EVC2: variants seen among roughly 807,000 people sequenced by gnomAD.
EVC2 encodes limbin.
Under a neutral mutation model 149.3 loss-of-function variants are expected in EVC2, and 148 were observed. The observed-to-expected ratio is 0.99, with a 90% CI of 0.87 to 1.14. The LOEUF (loss-of-function observed/expected upper bound fraction) is 1.14, where lower values mean the gene tolerates loss of function less well. Among genes scored for constraint, EVC2 ranks in the 50% most tolerant of loss-of-function variants. The pLI is 0.00. For missense variants in EVC2, 1,854 were observed against 1,627.3 expected (o/e 1.14, Z -2.40); for synonymous variants, 776 against 649.9 (o/e 1.19, Z -2.95).
At chr4:5,546,808 G>A (rs1011353490) in intron 21 of EVC2, among the ~76,000 whole-genome samples, 1 of 152,106 alleles carries the variant, frequency 6.6e-6, no homozygotes, top group Non-Finnish European at 1.5e-5. Flanking sequence ...AGCCTGTCTA[G>A]AGTGGCTGCT....
chr4:5,690,062 G>A (rs1721005442), intron 4 of EVC2, among the ~76,000 whole-genome samples: 1 of 152,226 alleles, frequency 6.6e-6, no homozygotes, highest in South Asian at 2.1e-4. Flanking sequence ...CTTCAGAACT[G>A]TGTGTGTAAT....
rs1398135018 is a variant in EVC2 at position 5,663,303 on chromosome 4, C to T, written c.1006-57G>A. The stretch of plus-strand genomic sequence containing the variant: ...TGGGCCTTCTTGTGAATTCCACGTG[C>T]TGAGAAAGCCAGGAGGGAAGGCCAG... On this transcript the variant is annotated intron_variant, in intron 8 of 21. Coordinates refer to ENST00000344408, the MANE Select transcript of EVC2 (RefSeq NM_147127.5). 3.1e-6 allele frequency: 5 copies of T among 1,610,446 alleles called. No homozygotes were observed. The Admixed American group carries it at 8.3e-5, about 27-fold the overall frequency.
intron 9 of EVC2, among the ~76,000 whole-genome samples, chr4:5,651,948 C>A (rs1391509467): frequency 6.6e-6 from 1 of 152,216 alleles, no homozygotes; most frequent in South Asian, 2.1e-4. Context: ...TATAATCAGG[C>A]GATCACAAAA....
chr4:5,671,656 C>T (rs1357716920), intron 7 of EVC2, among the ~76,000 whole-genome samples: 2 of 152,114 alleles, frequency 1.3e-5, no homozygotes, highest in Non-Finnish European at 2.9e-5. Context: ...GGATTACAGG[C>T]GCCTGCCACC....
At chr4:5,676,516 C>T (rs750514105) in intron 7 of EVC2, among the ~76,000 whole-genome samples, 3 of 152,192 alleles carry the variant, frequency 2.0e-5, no homozygotes, top group Non-Finnish European at 2.9e-5. Flanking sequence ...AGGTCCCCGC[C>T]GCCATCAGCC....
At position 5,618,550 on chromosome 4, in the gene EVC2, C is replaced by T; in HGVS notation, c.2634G>A (p.Gln878=). ...LPKIRARVLL[Q]QFQTAWREAE... ...CTTCTCGCCACGCAGTCTGAAATTG[C>T]TGCAGCAGAACTCGGGCCCGGATCT... The change falls in exon 15 of 22, where the codon CAG becomes CAA. Residue 878 remains glutamine (Q), a synonymous_variant. Transcript: ENST00000344408. The surrounding 1 kb of genome is among the most constrained non-coding windows in gnomAD (Gnocchi z 4.4). 6.2e-7 allele frequency: 1 copy of T among 1,614,176 alleles called. No homozygotes were observed. The highest frequency in any genetic ancestry group is 8.5e-7 in the Non-Finnish European group (1 of 1,180,030).
intron 15 of EVC2, among the ~76,000 whole-genome samples, chr4:5,617,049 G>C (rs1715309557): frequency 2.0e-5 from 3 of 151,792 alleles, no homozygotes; most frequent in Non-Finnish European, 4.4e-5. Context: ...CTCTTATTCT[G>C]TATCTCCCAC....
chr4:5,648,342 T>C (rs1359294909), intron 9 of EVC2, among the ~76,000 whole-genome samples: 1 of 152,204 alleles, frequency 6.6e-6, no homozygotes, highest in East Asian at 1.9e-4. Flanking sequence ...TACAGCTGAA[T>C]AGGAAACTAA....
intron 9 of EVC2, among the ~76,000 whole-genome samples, chr4:5,652,154 T>A (rs1718191451): frequency 6.6e-6 from 1 of 152,014 alleles, no homozygotes; most frequent in Admixed American, 6.5e-5. Flanking sequence ...GGACGTGAAG[T>A]TGGTGGCAGA....
chr4:5,650,544 C>T (rs1200042418), intron 9 of EVC2, among the ~76,000 whole-genome samples: 2 of 144,648 alleles, frequency 1.4e-5, no homozygotes, highest in African/African-American at 2.5e-5. Flanking sequence ...CTACATCAAA[C>T]GAAAGTCACT....
intron 10 of EVC2, among the ~76,000 whole-genome samples, chr4:5,635,704 C>T (rs567719969): frequency 5.3e-5 from 8 of 152,300 alleles, no homozygotes; most frequent in South Asian, 2.1e-4. Flanking sequence ...CCATCAGAAA[C>T]GGTGAAAATG....
chr4:5,687,742 G>T (rs1441863549), intron 5 of EVC2, among the ~76,000 whole-genome samples: 1 of 152,118 alleles, frequency 6.6e-6, no homozygotes, highest in African/African-American at 2.4e-5. Context: ...TAGGAAGCTG[G>T]GTCTCGCAGG....
At position 5,677,127 on chromosome 4, in the gene EVC2, C is replaced by A. The variant is rs1276455487; in HGVS notation, c.870+4133G>T. Among the ~76,000 whole-genome samples the A allele has an allele frequency of 6.6e-6, 1 of 152,108 alleles. No homozygotes were observed. Among genetic ancestry groups the A allele is most frequent in the African/African-American group, 2.4e-5 (1 of 41,406 alleles). On this transcript the variant is annotated intron_variant, in intron 7 of 21. Coordinates refer to ENST00000344408, the MANE Select transcript of EVC2 (RefSeq NM_147127.5). The surrounding 1 kb of genome is among the most constrained non-coding windows in gnomAD (Gnocchi z 4.3). ...CGACAACAGCTGACATTTATGGAGC[C>A]CTCACAGTGCCAGGCACTGTGCTGA...
At chr4:5,558,601 A>G (rs888464821), downstream of EVC2, among the ~76,000 whole-genome samples, 4 of 152,256 alleles carry the variant, frequency 2.6e-5, no homozygotes, top group African/African-American at 9.6e-5. Context: ...AGAAATCCAG[A>G]GAATTCCAGG....
intron 7 of EVC2, among the ~76,000 whole-genome samples, chr4:5,674,259 G>A (rs938471664): frequency 1.3e-5 from 2 of 152,066 alleles, no homozygotes; most frequent in East Asian, 1.9e-4. Flanking sequence ...ACTTACCAAC[G>A]CAGCTTTGCT....
Position 5,631,848 on chromosome 4 carries a change from C to G in EVC2, c.1655G>C (p.Gly552Ala). ...TTTAGCTGCCTCTGGTTTCAATTCCCCTTTGAAAATAGCACTTTTTATCTG... is the reference window on the plus strand; with the variant it reads ...TTTAGCTGCCTCTGGTTTCAATTCCGCTTTGAAAATAGCACTTTTTATCTG... ...FTQIKSAIFK[G>A]ELKPEAAKML... The change falls in exon 11 of 22, where the codon GGG (glycine) becomes GCG (alanine). Residue 552 changes from glycine (G) to alanine (A), a missense_variant. Gly to Ala is a moderately conservative substitution (Grantham distance 60). Coordinates refer to ENST00000344408, the MANE Select transcript of EVC2 (RefSeq NM_147127.5). The G allele has an allele frequency of 6.2e-7, 1 of 1,614,198 alleles. No homozygotes were observed. Among genetic ancestry groups the G allele is most frequent in the Non-Finnish European group, 8.5e-7 (1 of 1,180,030 alleles).
chr4:5,664,683 C>T (rs1370968642), intron 8 of EVC2, among the ~76,000 whole-genome samples: 1 of 152,174 alleles, frequency 6.6e-6, no homozygotes, highest in Non-Finnish European at 1.5e-5. Flanking sequence ...GGTGGAATTT[C>T]CAGCCTCCAG....
chr4:5,605,906 G>C (rs1447252280), intron 16 of EVC2, among the ~76,000 whole-genome samples: 6 of 152,208 alleles, frequency 3.9e-5, no homozygotes, highest in Non-Finnish European at 8.8e-5. Context: ...TGTGGCATGA[G>C]ACCTTCCTGT....
chr4:5,691,326 TC>T lies in EVC2; in HGVS notation c.457del (p.Asp153ThrfsTer14). On this transcript the variant is annotated frameshift_variant, in exon 4 of 22. Coordinates refer to ENST00000344408, the MANE Select transcript of EVC2 (RefSeq NM_147127.5). LOFTEE classifies it high-confidence loss of function. Reference protein sequence around the residue: ...ESPITHRLYGDISREVQGTSE... With the variant: ...ESPITHRLYGXISREVQGTSE... Reference sequence around the variant, plus strand: ...AGTCCCTTGAACTTCTCTTGAAATGTCCCCATACTACAATAAAATGTAAAAG... The same window carrying T: ...AGTCCCTTGAACTTCTCTTGAAATGTCCCATACTACAATAAAATGTAAAAG... 6.2e-7 allele frequency: 1 copy of T among 1,611,956 alleles called. No homozygotes were observed. Among genetic ancestry groups the T allele is most frequent in the Non-Finnish European group, 8.5e-7 (1 of 1,178,188 alleles).
Sources: allele counts gnomAD v4.1 joint callset (sites outside exome capture counted in the v4.1 genomes callset), GRCh38; gene constraint gnomAD v4.1.1; non-coding constraint Gnocchi (gnomAD v3.1); transcripts MANE v1.5; gene names NCBI Gene and HGNC (gene_info 2026-07-23, HGNC 2026-07-21).